The following CPPED1 variants were observed in gnomAD, a reference collection of about 807,000 sequenced individuals.
CPPED1 encodes calcineurin like phosphoesterase domain containing 1.
Under a neutral mutation model 28.0 loss-of-function variants are expected in CPPED1, and 28 were observed. The observed-to-expected ratio is 1.00, with a 90% confidence interval of 0.74 to 1.37. The LOEUF is 1.37. CPPED1 is among the 40% of genes most tolerant of loss of function. The pLI is 0.00. For missense variants in CPPED1, 504 were observed against 416.5 expected, an observed-to-expected ratio of 1.21 and a Z score of -1.83; for synonymous variants, 198 against 180.2, an observed-to-expected ratio of 1.10 and a Z score of -0.79.
At chr16:12,675,408 T>C (rs2079872897) in intron 3 of CPPED1, among the ~76,000 whole-genome samples, 1 of 152,246 alleles carries the variant, frequency 6.6e-6, no homozygotes, top group African/African-American at 2.4e-5. Context: ...TCTGTGGCAT[T>C]AGCTTCATAT....
intron 2 of CPPED1, among the ~76,000 whole-genome samples, chr16:12,746,379 A>AT (rs2080288530): frequency 6.6e-6 from 1 of 151,818 alleles, no homozygotes; most frequent in African/African-American, 2.4e-5. Flanking sequence ...GACTCAAAAA[A>AT]AAAAAAAAAA....
chr16:12,777,917 T>C (rs2080507419), intron 2 of CPPED1, among the ~76,000 whole-genome samples: 1 of 151,148 alleles, frequency 6.6e-6, no homozygotes, highest in South Asian at 2.1e-4. Context: ...TTTTTTTTTT[T>C]TTCTTTTTTT....
rs147689126 is a variant in CPPED1, at chr16:12,678,737, G to A, written c.716-13622C>T. ...ACAATTATTTTTGTCTATTAACCTT[G>A]TATCCTGAGACCTTGCTAAATTCAT... On this transcript the variant is annotated intron_variant, in intron 3 of 3. Coordinates refer to ENST00000381774, the MANE Select transcript of CPPED1 (RefSeq NM_018340.3). Among the ~76,000 whole-genome samples the A allele has an allele frequency of 7.1e-3, 1,076 of 151,998 alleles. 14 individuals are homozygous for A. The highest frequency in any genetic ancestry group is 0.025 in the African/African-American group (1,022 of 41,442).
chr16:12,779,398 C>A (rs1045729373), intron 2 of CPPED1, among the ~76,000 whole-genome samples: 9 of 131,646 alleles, frequency 6.8e-5, no homozygotes, highest in Non-Finnish European at 1.2e-4. Flanking sequence ...TTTTTTTTTT[C>A]TTTTTTGAGA....
chr16:12,701,566 C>A (rs1229286949), intron 3 of CPPED1, among the ~76,000 whole-genome samples: 1 of 152,042 alleles, frequency 6.6e-6, no homozygotes. Flanking sequence ...TGGGCCTAGG[C>A]AGGTGAACCA....
Position 12,682,050 on chromosome 16 carries a change from T to C in CPPED1, c.716-16935A>G, listed in dbSNP as rs1390766993. Among the ~76,000 whole-genome samples the C allele has an allele frequency of 1.3e-5, 2 of 152,192 alleles. No individual in the cohort carries two copies. The highest frequency in any genetic ancestry group is 6.5e-5 in the Admixed American group (1 of 15,290). The stretch of plus-strand genomic sequence containing the variant: ...AGACTCACTGCCGTTTATTACTTTT[T>C]TGAGACAGTGTCTCTCTCGGTCGCC... On this transcript the variant is annotated intron_variant, in intron 3 of 3. Coordinates refer to ENST00000381774, the MANE Select transcript of CPPED1 (RefSeq NM_018340.3). This position sits in a 1 kb window ranked among gnomAD's most constrained non-coding sequence, Gnocchi z 6.1.
At chr16:12,725,970 G>C (rs948983843) in intron 2 of CPPED1, among the ~76,000 whole-genome samples, 1 of 152,190 alleles carries the variant, frequency 6.6e-6, no homozygotes, top group Non-Finnish European at 1.5e-5. Context: ...GCTGAGGCAG[G>C]AGGATGGCTT....
At chr16:12,710,263 G>C (rs760680265) in intron 2 of CPPED1, among the ~76,000 whole-genome samples, 8 of 152,120 alleles carry the variant, frequency 5.3e-5, no homozygotes, top group Non-Finnish European at 1.2e-4. Context: ...AGAGATATTT[G>C]GGAGGTAGAA....
rs1037901815 is a variant in CPPED1 at position 12,662,430 on chromosome 16, T to G, written c.*2456A>C. The G allele has an allele frequency of 6.6e-6, 1 of 152,178 alleles. No homozygotes were observed. Among genetic ancestry groups the G allele is most frequent in the Non-Finnish European group, 1.5e-5 (1 of 68,042 alleles). The allele number at this position is 152,178 out of a possible 1,614,324, so 9.4% of individuals were successfully genotyped here. A position where few individuals can be genotyped will look rare whatever the true frequency, so the allele number is the denominator to read the frequency against. ...TAAATATAAGGCGTACAAGTGCAGTTTTGTTACACGGATATATTGCGAAGT... is the reference window on the plus strand; with the variant it reads ...TAAATATAAGGCGTACAAGTGCAGTGTTGTTACACGGATATATTGCGAAGT... On this transcript the variant is annotated 3_prime_UTR_variant, in exon 4 of 4. Transcript: ENST00000381774.
chr16:12,767,627 T>C (rs2080446871), intron 2 of CPPED1, among the ~76,000 whole-genome samples: 1 of 152,114 alleles, frequency 6.6e-6, no homozygotes, highest in Non-Finnish European at 1.5e-5. Flanking sequence ...ATGAAGCCCA[T>C]CCATGGAGCT....
intron 1 of CPPED1, among the ~76,000 whole-genome samples, chr16:12,782,301 G>A (rs1409614528): frequency 2.0e-5 from 3 of 152,052 alleles, no homozygotes; most frequent in African/African-American, 7.2e-5. Flanking sequence ...AATCAAAATC[G>A]TACATGACAG....
At chr16:12,785,817 G>C (rs2080559467) in intron 1 of CPPED1, among the ~76,000 whole-genome samples, 2 of 152,010 alleles carry the variant, frequency 1.3e-5, no homozygotes. Context: ...CCCAGGCACA[G>C]TCCAGCTTTT....
intron 3 of CPPED1, among the ~76,000 whole-genome samples, chr16:12,676,332 T>C (rs1054724787): frequency 1.3e-5 from 2 of 152,120 alleles, no homozygotes; most frequent in Non-Finnish European, 2.9e-5. Flanking sequence ...TCAAGGTCTA[T>C]AGCCAGGCAG....
chr16:12,694,579 T>C (rs1352329464), intron 3 of CPPED1, among the ~76,000 whole-genome samples: 1 of 151,946 alleles, frequency 6.6e-6, no homozygotes, highest in Non-Finnish European at 1.5e-5. Flanking sequence ...GTGTGTGATG[T>C]TTTGCGGTGA....
intron 3 of CPPED1, among the ~76,000 whole-genome samples, chr16:12,703,733 AAAGAG>A (rs59069554): frequency 0.5 from 74,930 of 150,300 alleles, 19,415 homozygotes; most frequent in Admixed American, 0.61. Context: ...GAACGAGGAC[AAAGAG>A]AAGAGACACA....
intron 1 of CPPED1, among the ~76,000 whole-genome samples, chr16:12,796,612 T>A (rs2080629201): frequency 1.3e-5 from 2 of 152,204 alleles, no homozygotes; most frequent in Non-Finnish European, 2.9e-5. Context: ...CTGGAACCCA[T>A]ATACACTGCT....
At chr16:12,764,757 G>T (rs558299526) in intron 2 of CPPED1, among the ~76,000 whole-genome samples, 20 of 152,154 alleles carry the variant, frequency 1.3e-4, no homozygotes, top group Non-Finnish European at 2.8e-4. Flanking sequence ...CAGGCTCAGA[G>T]CCACCATTTT....
intron 2 of CPPED1, among the ~76,000 whole-genome samples, chr16:12,719,853 T>C (rs2080129252): frequency 6.6e-6 from 1 of 151,674 alleles, no homozygotes; most frequent in African/African-American, 2.4e-5. Context: ...GGAGAATTGC[T>C]TGAACCCAGG....
intron 2 of CPPED1, among the ~76,000 whole-genome samples, chr16:12,766,394 C>G (rs1201750807): frequency 6.6e-6 from 1 of 151,738 alleles, no homozygotes; most frequent in Non-Finnish European, 1.5e-5. Flanking sequence ...ATTGGACTTA[C>G]AGCTTCACGT....
Sources: gnomAD v4.1 joint callset for allele counts (sites outside exome capture counted in the v4.1 genomes callset) on GRCh38, gnomAD v4.1.1 for gene constraint, Gnocchi (gnomAD v3.1) non-coding constraint, MANE v1.5 for transcripts, NCBI Gene and HGNC (gene_info 2026-07-23, HGNC 2026-07-21) for gene names.